The following CDC37L1 variants were observed in gnomAD, a reference collection of about 807,000 sequenced individuals.
CDC37L1 encodes hsp90 co-chaperone Cdc37-like 1.
Under a neutral mutation model 45.9 loss-of-function variants are expected in CDC37L1, and 32 were observed. That is an observed-to-expected ratio of 0.70 (90% CI 0.53 to 0.94). CDC37L1 has a LOEUF of 0.94. CDC37L1 is among the 40% of genes least tolerant of loss of function. The pLI is 0.00. For synonymous variants in CDC37L1, 150 were observed against 133.0 expected (o/e 1.13, Z -0.88); for missense variants, 434 against 405.7 (o/e 1.07, Z -0.60).
rs532174531 is a variant in CDC37L1 at position 4,700,503 on chromosome 9, A to G, written c.748-1361A>G. The stretch of plus-strand genomic sequence containing the variant: ...TAGTAAAAAACATACTTTCCTTTTT[A>G]TCTTACATTAATGGATGTGTTTAAA... On this transcript the variant is annotated intron_variant, in intron 5 of 6. Transcript: ENST00000381854. Among the ~76,000 whole-genome samples, 4 of 152,300 alleles carry G rather than the reference A, an allele frequency of 2.6e-5. No individual in the cohort carries two copies. The East Asian group carries it at 7.7e-4, about 29-fold the overall frequency.
Position 4,707,826 on chromosome 9 carries a change from A to C in CDC37L1, c.*1714A>C, listed in dbSNP as rs1043208935. ...ACAGGAGCCATATTCCTAGTTTCACAGAAATGTTACTTGAATTATTATTTT... is the reference window on the plus strand; with the variant it reads ...ACAGGAGCCATATTCCTAGTTTCACCGAAATGTTACTTGAATTATTATTTT... On this transcript the variant is annotated 3_prime_UTR_variant, in exon 7 of 7. Coordinates refer to ENST00000381854, the MANE Select transcript of CDC37L1 (RefSeq NM_017913.4). 1.3e-5 allele frequency: 2 copies of C among 152,158 alleles called. No homozygotes were observed. Among genetic ancestry groups the C allele is most frequent in the East Asian group, 3.8e-4 (2 of 5,198 alleles). 9.4% of individuals were successfully genotyped at this position (152,158 alleles called of 1,614,324 possible). A position where few individuals can be genotyped will look rare whatever the true frequency, so the allele number is the denominator to read the frequency against.
At chr9:4,696,672 T>C (rs1563771245) in intron 3 of CDC37L1, among the ~76,000 whole-genome samples, 1 of 152,194 alleles carries the variant, frequency 6.6e-6, no homozygotes, top group Non-Finnish European at 1.5e-5. Context: ...CTTTGACACC[T>C]TGAAACAAAA....
At chr9:4,699,980 A>T (rs185362419) in intron 5 of CDC37L1, among the ~76,000 whole-genome samples, 1 of 152,228 alleles carries the variant, frequency 6.6e-6, no homozygotes, top group African/African-American at 2.4e-5. Context: ...TATTATAAAC[A>T]TAAAATTATA....
At chr9:4,687,354 C>T (rs1841256395) in intron 2 of CDC37L1, among the ~76,000 whole-genome samples, 1 of 152,054 alleles carries the variant, frequency 6.6e-6, no homozygotes, top group Non-Finnish European at 1.5e-5. Flanking sequence ...AAAAATCAAA[C>T]TGTTTGGTCT....
Position 4,701,854 on chromosome 9 carries a change from T to G in CDC37L1, c.748-10T>G. The G allele has an allele frequency of 6.3e-7, 1 of 1,578,124 alleles. No homozygotes were observed. The highest frequency in any genetic ancestry group is 1.9e-4 in the Middle Eastern group (1 of 5,158). Reference sequence around the variant, plus strand: ...AACACAGTCTTTGTTTTTTTTTTTGTTTTTTCTAGGCAGAGGAAGAAGGTT... The same window carrying G: ...AACACAGTCTTTGTTTTTTTTTTTGGTTTTTCTAGGCAGAGGAAGAAGGTT... On this transcript the variant is annotated splice_polypyrimidine_tract_variant and intron_variant, in intron 5 of 6. Transcript: ENST00000381854.
chr9:4,680,938 A>G (rs1401039776), intron 1 of CDC37L1, among the ~76,000 whole-genome samples: 2 of 152,244 alleles, frequency 1.3e-5, no homozygotes, highest in African/African-American at 2.4e-5. Flanking sequence ...GGCTTCACAC[A>G]GAGAAAAATG....
At chr9:4,695,821 C>T (rs768991602) in intron 3 of CDC37L1, among the ~76,000 whole-genome samples, 4 of 151,968 alleles carry the variant, frequency 2.6e-5, no homozygotes, top group Admixed American at 6.6e-5. Context: ...CAGAGTCTCT[C>T]GCTCTGTCGC....
Position 4,697,793 on chromosome 9 carries a change from G to A in CDC37L1, c.661G>A (p.Val221Ile). 1 of 1,570,076 alleles carries A rather than the reference G, an allele frequency of 6.4e-7. No individual in the cohort carries two copies. The highest frequency in any genetic ancestry group is 8.8e-7 in the Non-Finnish European group (1 of 1,140,206). ...ALMEQIAHQA[V>I]VMQFIMEMAK... ...AATGGAACAAATAGCACATCAAGCT[G>A]TTGTAATGCAGTTTATTATGGAAAT... The change falls in exon 5 of 7, where the codon GTT (valine) becomes ATT (isoleucine). Residue 221 changes from valine (V) to isoleucine (I), a missense_variant. Coordinates refer to ENST00000381854, the MANE Select transcript of CDC37L1 (RefSeq NM_017913.4).
At chr9:4,702,967 G>T in intron 6 of CDC37L1, 1 of 833,696 alleles carries the variant, frequency 1.2e-6, no homozygotes, top group South Asian at 3.3e-5. Flanking sequence ...GACATGATCA[G>T]ACCACTGGTC....
chr9:4,693,218 G>T (rs1172058635), intron 3 of CDC37L1, among the ~76,000 whole-genome samples: 2 of 151,218 alleles, frequency 1.3e-5, no homozygotes, highest in African/African-American at 4.9e-5. Flanking sequence ...GAGGCTGGAG[G>T]ATCACTTGAG....
chr9:4,705,584 T>C (rs1229755269), intron 6 of CDC37L1, among the ~76,000 whole-genome samples: 2 of 152,152 alleles, frequency 1.3e-5, no homozygotes, highest in East Asian at 3.8e-4. Flanking sequence ...ACCCAGTAAA[T>C]TTTTTCTTTA....
At position 4,697,890 on chromosome 9, in the gene CDC37L1, A is replaced by G. The variant is rs371933343; in HGVS notation, c.747+11A>G. ...TTCCAGAAAGCCAAAGTAAGTAGTT[A>G]TTTGATATTGATAAATGGGAAGATT... On this transcript the variant is annotated intron_variant, in intron 5 of 6. Transcript: ENST00000381854. 5.6e-6 allele frequency: 9 copies of G among 1,612,234 alleles called. No individual in the cohort carries two copies. Among genetic ancestry groups the G allele is most frequent in the Non-Finnish European group, 5.9e-6 (7 of 1,178,830 alleles).
chr9:4,679,965 C>T lies in CDC37L1; in HGVS notation c.132+66C>T, dbSNP rs936895865. The stretch of plus-strand genomic sequence containing the variant: ...CTGTCGCCAAACCCCTGGAATGCCG[C>T]GTCTCCCAGACCCTCTTCTACGCCT... On this transcript the variant is annotated intron_variant, in intron 1 of 6. Coordinates refer to ENST00000381854, the MANE Select transcript of CDC37L1 (RefSeq NM_017913.4). The T allele has an allele frequency of 3.8e-6, 6 of 1,588,874 alleles. No homozygotes were observed. In the Admixed American group the frequency reaches 6.8e-5, roughly 18 times the overall value.
At position 4,688,623 on chromosome 9, in the gene CDC37L1, G is replaced by C; in HGVS notation, c.508+17G>C. The C allele has an allele frequency of 7.1e-7, 1 of 1,417,444 alleles. No homozygotes were observed. The highest frequency in any genetic ancestry group is 9.6e-7 in the Non-Finnish European group (1 of 1,043,348). 87.8% of individuals were successfully genotyped at this position (1,417,444 alleles called of 1,614,324 possible). ...GACATTTTGGTAAGTCTACTACTTG[G>C]ATTTCCTTCTTTGTAATGTTTGGTA... is the stretch of plus-strand genomic sequence containing the variant. On this transcript the variant is annotated intron_variant, in intron 3 of 6. Coordinates refer to ENST00000381854, the MANE Select transcript of CDC37L1 (RefSeq NM_017913.4).
intron 1 of CDC37L1, among the ~76,000 whole-genome samples, chr9:4,682,835 A>AT (rs1841209047): frequency 6.6e-6 from 1 of 151,594 alleles, no homozygotes; most frequent in Non-Finnish European, 1.5e-5. Context: ...ATATAGCTTA[A>AT]TTTTTCTCCT....
chr9:4,697,335 G>T, intron 4 of CDC37L1, 124 bp downstream of exon 4: 1 of 622,142 alleles, frequency 1.6e-6, no homozygotes, highest in Non-Finnish European at 2.8e-6. Flanking sequence ...GTCATTAGAT[G>T]GAATTACCAT....
At chr9:4,680,720 T>C (rs184001107) in intron 1 of CDC37L1, among the ~76,000 whole-genome samples, 1 of 152,360 alleles carries the variant, frequency 6.6e-6, no homozygotes, top group East Asian at 1.9e-4. Context: ...TTTGGAAGTA[T>C]ATTTCAGAAT....
At chr9:4,695,695 C>T (rs1275127378) in intron 3 of CDC37L1, among the ~76,000 whole-genome samples, 7 of 152,086 alleles carry the variant, frequency 4.6e-5, no homozygotes. Flanking sequence ...CAGGGTCTTA[C>T]TATGTTGCTG....
intron 2 of CDC37L1, among the ~76,000 whole-genome samples, chr9:4,685,804 A>G (rs1351310501): frequency 2.6e-5 from 4 of 152,216 alleles, no homozygotes; most frequent in African/African-American, 9.7e-5. Context: ...TTTCAAATGC[A>G]TGAAAAGGGG....
Sources: allele counts gnomAD v4.1 joint callset (sites outside exome capture counted in the v4.1 genomes callset), GRCh38; gene constraint gnomAD v4.1.1; transcripts MANE v1.5; gene names NCBI Gene and HGNC (gene_info 2026-07-23, HGNC 2026-07-21).